The following ALK variants were observed in gnomAD, a reference collection of about 807,000 sequenced individuals.
The protein encoded by ALK is ALK receptor tyrosine kinase, also known as ALK tyrosine kinase receptor.
Under a neutral mutation model 163.1 loss-of-function variants are expected in ALK, and 74 were observed. That is an observed-to-expected ratio of 0.45 (90% CI 0.38 to 0.55). The LOEUF is 0.55. Among genes scored for constraint, ALK ranks in the 20% least tolerant of loss-of-function variants. The pLI is 0.00. For missense variants in ALK, 2,063 were observed against 2,105.3 expected (o/e 0.98, Z 0.39); for synonymous variants, 960 against 843.2 (o/e 1.14, Z -2.40).
In ALK at chr2:29,287,376, C is replaced by T. The variant is rs79794601; in HGVS notation, c.1817+9512G>A. On this transcript the variant is annotated intron_variant, in intron 9 of 28. Transcript: ENST00000389048. ...GCGTTACTGTTGGCCTTGTGTCTTACACACAATAGATGCCTAACATCTAAT... is the reference window on the plus strand; with the variant it reads ...GCGTTACTGTTGGCCTTGTGTCTTATACACAATAGATGCCTAACATCTAAT... 1.4e-3 allele frequency among the ~76,000 whole-genome samples: 212 copies of T among 152,324 alleles called. 2 individuals carry two copies. The East Asian group carries it at 0.036, about 26-fold the overall frequency.
chr2:29,583,716 A>C (rs1674792984), intron 3 of ALK, among the ~76,000 whole-genome samples: 1 of 152,102 alleles, frequency 6.6e-6, no homozygotes, highest in Admixed American at 6.6e-5. Context: ...CATCTCTTGC[A>C]GTCACACTCA....
chr2:29,310,060 T>C (rs1407904340), intron 8 of ALK, among the ~76,000 whole-genome samples: 1 of 152,132 alleles, frequency 6.6e-6, no homozygotes, highest in Non-Finnish European at 1.5e-5. Flanking sequence ...TAAAACAGGT[T>C]TTTTGTTGTT....
At chr2:29,457,223 G>A (rs978265297) in intron 4 of ALK, among the ~76,000 whole-genome samples, 4 of 152,018 alleles carry the variant, frequency 2.6e-5, no homozygotes, top group African/African-American at 4.8e-5. Flanking sequence ...GCATTGGCTC[G>A]ATTGAAATGT....
At chr2:29,911,176 C>A (rs1446218750) in intron 1 of ALK, among the ~76,000 whole-genome samples, 1 of 152,172 alleles carries the variant, frequency 6.6e-6, no homozygotes, top group African/African-American at 2.4e-5. Context: ...AGCTAAGGGG[C>A]CCAAAGCAAT....
chr2:29,483,495 T>C (rs1671713589), intron 4 of ALK, among the ~76,000 whole-genome samples: 1 of 152,240 alleles, frequency 6.6e-6, no homozygotes, highest in Non-Finnish European at 1.5e-5. Context: ...GCTTAGAGAA[T>C]CCACATTTTA....
intron 1 of ALK, among the ~76,000 whole-genome samples, chr2:29,790,129 G>C (rs1370946404): frequency 6.6e-6 from 1 of 152,186 alleles, no homozygotes; most frequent in Non-Finnish European, 1.5e-5. Context: ...GGGCTCTAGG[G>C]AAGAAATCTC....
chr2:29,423,237 AGG>A (rs953919874), intron 4 of ALK, among the ~76,000 whole-genome samples: 1 of 152,206 alleles, frequency 6.6e-6, no homozygotes, highest in Non-Finnish European at 1.5e-5. Flanking sequence ...AGGAGAAACA[AGG>A]GGGAGGAGGA....
chr2:29,754,691 AAAT>A (rs538943293), intron 1 of ALK, among the ~76,000 whole-genome samples: 9 of 151,564 alleles, frequency 5.9e-5, no homozygotes, highest in African/African-American at 7.3e-5. Context: ...CCCTGTCTCA[AAAT>A]AATAATAATA....
chr2:29,221,225 CT>C, intron 22 of ALK: 1 of 538,240 alleles, frequency 1.9e-6, no homozygotes, highest in Non-Finnish European at 3.7e-6. Context: ...AAAACAACTG[CT>C]TCCAAGAGAG....
At chr2:29,420,902 C>T (rs949462530) in intron 4 of ALK, among the ~76,000 whole-genome samples, 8 of 151,530 alleles carry the variant, frequency 5.3e-5, no homozygotes, top group African/African-American at 2.4e-5. Context: ...TACTTTTGCT[C>T]GACATAGCTT....
intron 15 of ALK, among the ~76,000 whole-genome samples, chr2:29,231,291 C>G (rs565425670): frequency 1.3e-5 from 2 of 152,182 alleles, no homozygotes; most frequent in African/African-American, 2.4e-5. Flanking sequence ...GAGCCGAGAC[C>G]GTGCCACTGC....
intron 4 of ALK, among the ~76,000 whole-genome samples, chr2:29,391,198 A>G (rs1008450811): frequency 2.6e-5 from 4 of 151,712 alleles, no homozygotes; most frequent in African/African-American, 9.7e-5. Flanking sequence ...TTCCTGGGGT[A>G]GAGGCATAGA....
chr2:29,873,425 C>A (rs72794309), intron 1 of ALK, among the ~76,000 whole-genome samples: 9,209 of 152,130 alleles, frequency 0.061, 395 homozygotes, highest in East Asian at 0.14. Flanking sequence ...GGGGCAGAAC[C>A]AGAGTGCTGG....
intron 1 of ALK, among the ~76,000 whole-genome samples, chr2:29,867,615 G>A (rs1402060245): frequency 6.6e-6 from 1 of 152,138 alleles, no homozygotes; most frequent in Non-Finnish European, 1.5e-5. Context: ...GAAGCCCAAA[G>A]ATACTGAGAA....
At chr2:29,823,223 C>A (rs188775744) in intron 1 of ALK, among the ~76,000 whole-genome samples, 1 of 152,248 alleles carries the variant, frequency 6.6e-6, no homozygotes, top group Admixed American at 6.5e-5. Flanking sequence ...GATTGTGAGG[C>A]CTCCCCAGCC....
At chr2:29,580,950 T>C (rs1011803720) in intron 3 of ALK, among the ~76,000 whole-genome samples, 1 of 152,188 alleles carries the variant, frequency 6.6e-6, no homozygotes, top group African/African-American at 2.4e-5. Context: ...GAAGCAAGGA[T>C]GAGTCAGTGT....
At chr2:29,493,647 G>T (rs1039202481) in intron 4 of ALK, among the ~76,000 whole-genome samples, 3 of 152,192 alleles carry the variant, frequency 2.0e-5, no homozygotes, top group African/African-American at 7.2e-5. Flanking sequence ...TTCCTCATCT[G>T]TATAATGGGG....
intron 9 of ALK, among the ~76,000 whole-genome samples, chr2:29,282,072 C>T (rs959232013): frequency 1.3e-5 from 2 of 152,126 alleles, no homozygotes; most frequent in African/African-American, 4.8e-5. Context: ...AAGGCATTTG[C>T]CAGCTGGGCA....
At chr2:29,454,286 C>G (rs1670894857) in intron 4 of ALK, among the ~76,000 whole-genome samples, 1 of 152,132 alleles carries the variant, frequency 6.6e-6, no homozygotes, top group Admixed American at 6.5e-5. Flanking sequence ...CAAGAATGCT[C>G]AAGTCTTTTA....
Sources: allele counts gnomAD v4.1 joint callset (sites outside exome capture counted in the v4.1 genomes callset), GRCh38; gene constraint gnomAD v4.1.1; transcripts MANE v1.5; gene names NCBI Gene and HGNC (gene_info 2026-07-23, HGNC 2026-07-21).